Variants in TP63 observed in about 807,000 individuals in gnomAD.
The protein encoded by TP63 is tumor protein 63.
TP63 carries 17 observed loss-of-function variants against 82.8 expected under a neutral mutation model. That is an observed-to-expected ratio of 0.21 (90% confidence interval 0.14 to 0.31). The LOEUF (loss-of-function observed/expected upper bound fraction) is 0.31. Ranked by LOEUF, TP63 falls within the 10% of genes least tolerant of loss-of-function variation. The pLI, the probability that TP63 is intolerant of heterozygous loss-of-function variation, is 1.00. For synonymous variants in TP63, 330 were observed against 321.7 expected, an observed-to-expected ratio of 1.03 and a Z score of -0.28; for missense variants, 648 against 895.3, an observed-to-expected ratio of 0.72 and a Z score of 3.52.
intron 4 of TP63, among the ~76,000 whole-genome samples, chr3:189,812,882 T>C (rs1727727720): frequency 6.6e-6 from 1 of 152,218 alleles, no homozygotes; most frequent in Admixed American, 6.5e-5. Flanking sequence ...ACTAATGTTT[T>C]TTCTTAAAGC....
intron 4 of TP63, among the ~76,000 whole-genome samples, chr3:189,814,770 C>T (rs918536924): frequency 6.6e-6 from 1 of 152,156 alleles, no homozygotes; most frequent in African/African-American, 2.4e-5. Flanking sequence ...ACTGAATCAG[C>T]GTTCTTGCCT....
In TP63 at chr3:189,895,373, T is replaced by A. The variant is rs1004350123; in HGVS notation, c.*871T>A. 6.0e-5 allele frequency: 13 copies of A among 216,768 alleles called. No homozygotes were observed. Among genetic ancestry groups the A allele is most frequent in the Non-Finnish European group, 1.0e-4 (11 of 107,752 alleles). The allele number at this position is 216,768 out of a possible 1,614,324, so 13.4% of individuals were successfully genotyped here. On this transcript the variant is annotated 3_prime_UTR_variant, in exon 14 of 14. Coordinates refer to ENST00000264731, the MANE Select transcript of TP63 (RefSeq NM_003722.5). ...AGCATATCAGTAACCCCCTTAAATT[T>A]AATACCAGATACCTTATCTTACAAT... is the stretch of plus-strand genomic sequence containing the variant.
At chr3:189,638,316 G>A (rs1255348724) in intron 1 of TP63, among the ~76,000 whole-genome samples, 4 of 152,080 alleles carry the variant, frequency 2.6e-5, no homozygotes, top group Non-Finnish European at 5.9e-5. Context: ...AGTGGGGAAG[G>A]TAGAATATAT....
intron 4 of TP63, chr3:189,844,237 T>C (rs1714555823): frequency 2.4e-6 from 1 of 416,922 alleles, no homozygotes; most frequent in Non-Finnish European, 4.9e-6. Flanking sequence ...AATGGCATGA[T>C]CTCAGCTCAC....
intron 3 of TP63, among the ~76,000 whole-genome samples, chr3:189,795,742 A>G (rs956658965): frequency 1.3e-5 from 2 of 152,056 alleles, no homozygotes; most frequent in African/African-American, 2.4e-5. Context: ...GGAAACCTAT[A>G]TGTGTTTTAA....
intron 10 of TP63, among the ~76,000 whole-genome samples, chr3:189,878,349 T>C (rs1719471088): frequency 6.7e-6 from 1 of 150,182 alleles, no homozygotes; most frequent in Admixed American, 6.6e-5. Flanking sequence ...TTCACCCTTA[T>C]AGTTATTATG....
intron 3 of TP63, among the ~76,000 whole-genome samples, chr3:189,770,895 G>A (rs1225584183): frequency 6.6e-6 from 1 of 152,120 alleles, no homozygotes; most frequent in Admixed American, 6.5e-5. Context: ...TTTGAAGAAT[G>A]ATACTTATCC....
chr3:189,671,938 T>C (rs1204942820), intron 1 of TP63, among the ~76,000 whole-genome samples: 2 of 152,066 alleles, frequency 1.3e-5, no homozygotes, highest in Non-Finnish European at 2.9e-5. Flanking sequence ...GTATACAAAG[T>C]TACAGCTGAG....
upstream of TP63, among the ~76,000 whole-genome samples, chr3:189,630,538 AG>A (rs1729418607): frequency 6.6e-6 from 1 of 152,188 alleles, no homozygotes; most frequent in African/African-American, 2.4e-5. Flanking sequence ...TAAGACATAA[AG>A]AATAGAGTGG....
intron 1 of TP63, among the ~76,000 whole-genome samples, chr3:189,647,771 C>T (rs1298150836): frequency 6.8e-6 from 1 of 146,908 alleles, no homozygotes. Context: ...CCTGCCTTCT[C>T]CCATCCATCG....
chr3:189,848,015 C>G (rs1206214010), intron 4 of TP63, among the ~76,000 whole-genome samples: 1 of 152,102 alleles, frequency 6.6e-6, no homozygotes, highest in Non-Finnish European at 1.5e-5. Flanking sequence ...TGGCCTCATA[C>G]TATAACTGTT....
At chr3:189,746,301 T>A (rs906485036) in intron 3 of TP63, among the ~76,000 whole-genome samples, 2 of 151,710 alleles carry the variant, frequency 1.3e-5, no homozygotes, top group African/African-American at 4.8e-5. Context: ...CAGTCAAGGA[T>A]ATTATACTCA....
intron 3 of TP63, among the ~76,000 whole-genome samples, chr3:189,745,287 T>C (rs1291615125): frequency 6.6e-6 from 1 of 152,150 alleles, no homozygotes; most frequent in African/African-American, 2.4e-5. Flanking sequence ...AATTATTAAA[T>C]TCTTAAATTC....
intron 12 of TP63, among the ~76,000 whole-genome samples, chr3:189,890,356 A>C (rs1242704140): frequency 6.6e-6 from 1 of 152,148 alleles, no homozygotes; most frequent in Non-Finnish European, 1.5e-5. Flanking sequence ...GAGGCCTACA[A>C]TTTTTTTCTT....
chr3:189,783,197 C>A lies in TP63; in HGVS notation c.325-25075C>A, dbSNP rs529737731. Among the ~76,000 whole-genome samples, 4 of 151,834 alleles carry A rather than the reference C, an allele frequency of 2.6e-5. No homozygotes were observed. In the East Asian group the frequency reaches 7.8e-4, roughly 29 times the overall value. On this transcript the variant is annotated intron_variant, in intron 3 of 13. Coordinates refer to ENST00000264731, the MANE Select transcript of TP63 (RefSeq NM_003722.5). ...ATTTTAAAATTTAACATAATGCATT[C>A]AATGAACTGAGAACGTACTCATTTT...
chr3:189,861,799 G>A (rs1717078560), intron 4 of TP63, among the ~76,000 whole-genome samples: 1 of 152,180 alleles, frequency 6.6e-6, no homozygotes, highest in Admixed American at 6.5e-5. Flanking sequence ...TGAGTTAAGA[G>A]AACAGAGACA....
chr3:189,856,493 A>T (rs936185345), intron 4 of TP63, among the ~76,000 whole-genome samples: 3 of 152,022 alleles, frequency 2.0e-5, no homozygotes, highest in Admixed American at 6.6e-5. Context: ...AAAAAATAGC[A>T]AACTCAACCC....
Position 189,777,845 on chromosome 3 carries a change from C to CTTTTTTTT in TP63, c.325-30406_325-30399dup, listed in dbSNP as rs55731981. Among the ~76,000 whole-genome samples the CTTTTTTTT allele has an allele frequency of 3.1e-3, 117 of 37,776 alleles. 3 individuals are homozygous for CTTTTTTTT. Among genetic ancestry groups the CTTTTTTTT allele is most frequent in the Non-Finnish European group, 3.6e-3 (78 of 21,848 alleles). The allele number at this position is 37,776 out of a possible 152,430, so 24.8% of individuals were successfully genotyped here. A position where few individuals can be genotyped will look rare whatever the true frequency, so the allele number is the denominator to read the frequency against. ...GAGTCTTCTTCTTCTTCTTCTTCTT[C>CTTTTTTTT]TTTTTTTTTTTTTTTTTTTTTTTTT... On this transcript the variant is annotated intron_variant, in intron 3 of 13. Coordinates refer to ENST00000264731, the MANE Select transcript of TP63 (RefSeq NM_003722.5).
chr3:189,816,733 G>A (rs1201107351), intron 4 of TP63, among the ~76,000 whole-genome samples: 1 of 152,144 alleles, frequency 6.6e-6, no homozygotes, highest in Non-Finnish European at 1.5e-5. Flanking sequence ...ACATTTTGTA[G>A]ATATGGAATG....
Sources: gnomAD v4.1 joint callset for allele counts (sites outside exome capture counted in the v4.1 genomes callset) on GRCh38, gnomAD v4.1.1 for gene constraint, MANE v1.5 for transcripts, NCBI Gene and HGNC (gene_info 2026-07-23, HGNC 2026-07-21) for gene names.